Variants in OSBPL3 observed in about 807,000 individuals in gnomAD.
OSBPL3 encodes the protein oxysterol-binding protein-related protein 3.
Under a neutral mutation model 120.1 loss-of-function variants are expected in OSBPL3, and 65 were observed. The observed-to-expected ratio is 0.54, with a 90% confidence interval of 0.44 to 0.67. The LOEUF (loss-of-function observed/expected upper bound fraction) is 0.67, where lower values mean the gene tolerates loss of function less well. Among genes scored for constraint, OSBPL3 ranks in the 30% least tolerant of loss-of-function variants. The probability of loss-of-function intolerance (pLI) is 0.00; values close to 1 mark genes in which losing one functional copy is unlikely to be tolerated. For synonymous variants in OSBPL3, 416 were observed against 402.6 expected (o/e 1.03, Z -0.40); for missense variants, 1,004 against 1,082.1 (o/e 0.93, Z 1.01).
intron 13 of OSBPL3, 74 bp downstream of exon 13, chr7:24,842,205 A>G: frequency 6.9e-7 from 1 of 1,457,220 alleles, no homozygotes; most frequent in Non-Finnish European, 9.4e-7. Context: ...ATGATGGATT[A>G]TTTACTGAAC....
chr7:24,897,411 C>T (rs1278308320), intron 1 of OSBPL3, among the ~76,000 whole-genome samples: 4 of 149,634 alleles, frequency 2.7e-5, no homozygotes, highest in Admixed American at 1.3e-4. Flanking sequence ...CTGCAAGCTC[C>T]GCCTCCCGGG....
chr7:24,946,280 T>C lies in OSBPL3; in HGVS notation c.-150+33606A>G, dbSNP rs575272828. Among the ~76,000 whole-genome samples, 7 of 152,284 alleles carry C rather than the reference T, an allele frequency of 4.6e-5. No homozygotes were observed. In the East Asian group the frequency reaches 1.2e-3, roughly 25 times the overall value. On this transcript the variant is annotated intron_variant, in intron 1 of 22. Coordinates refer to ENST00000313367, the MANE Select transcript of OSBPL3 (RefSeq NM_015550.4). This position sits in a 1 kb window ranked among gnomAD's most constrained non-coding sequence, Gnocchi z 4.3. ...TGTCCCAAGAGAAGTAAGCAGAAATTGCACAGCCTTTTACAACCTAGACTA... is the reference window on the plus strand; with the variant it reads ...TGTCCCAAGAGAAGTAAGCAGAAATCGCACAGCCTTTTACAACCTAGACTA...
intron 2 of OSBPL3, among the ~76,000 whole-genome samples, chr7:24,887,608 T>C (rs1262065933): frequency 2.0e-5 from 3 of 152,216 alleles, no homozygotes; most frequent in Non-Finnish European, 4.4e-5. Context: ...TGAGACAACC[T>C]ACACTTGCCT....
rs769220571 is a variant in OSBPL3 at position 24,818,543 on chromosome 7, A to G, written c.1948+1632T>C. 1.3e-5 allele frequency among the ~76,000 whole-genome samples: 2 copies of G among 152,356 alleles called. No individual in the cohort carries two copies. Among genetic ancestry groups the G allele is most frequent in the South Asian group, 2.1e-4 (1 of 4,828 alleles). The stretch of plus-strand genomic sequence containing the variant: ...ATTAAAAATATATAACATAAATCCT[A>G]AAGTAACAACTTTAACAAGAAACAA... On this transcript the variant is annotated intron_variant, in intron 17 of 22. Transcript: ENST00000313367. This position sits in a 1 kb window ranked among gnomAD's most constrained non-coding sequence, Gnocchi z 4.0.
At position 24,892,401 on chromosome 7, in the gene OSBPL3, G is replaced by C. The variant is rs202020192; in HGVS notation, c.72C>G (p.Cys24Trp). Reference protein sequence around the residue: ...LVSPSRSTSSCSSKQGSRQDS... With the variant: ...LVSPSRSTSSWSSKQGSRQDS... ...CCTGTCGACTTCCTTGCTTGGAAGAGCAGCTACTTGTGCTCCTTGAAGGTG... is the reference window on the plus strand; with the variant it reads ...CCTGTCGACTTCCTTGCTTGGAAGACCAGCTACTTGTGCTCCTTGAAGGTG... Residue 24 changes from cysteine to tryptophan, a missense_variant, in exon 2 of 23, where the codon TGC becomes TGG. Cys to Trp is a radical substitution (Grantham distance 215, BLOSUM62 -2). This residue lies in a region of OSBPL3 where 255 missense variants were observed against 248.7 expected (regional missense o/e 1.03). Transcript: ENST00000313367. 1.2e-6 allele frequency: 2 copies of C among 1,613,336 alleles called. No homozygotes were observed. Among genetic ancestry groups the C allele is most frequent in the Non-Finnish European group, 8.5e-7 (1 of 1,179,492 alleles).
At chr7:24,889,058 C>T (rs1023478490) in intron 2 of OSBPL3, among the ~76,000 whole-genome samples, 1 of 152,048 alleles carries the variant, frequency 6.6e-6, no homozygotes, top group African/African-American at 2.4e-5. Flanking sequence ...CAAAAATATA[C>T]AAAGTTATAA....
rs560587459 is a variant in OSBPL3 at position 24,843,731 on chromosome 7, C to T, written c.1267-1318G>A. On this transcript the variant is annotated intron_variant, in intron 12 of 22. Coordinates refer to ENST00000313367, the MANE Select transcript of OSBPL3 (RefSeq NM_015550.4). ...CCATGTAGCCTTCTGAAAACCAAGCCTCTTCTCTACCCTAACAAAGAGATC... is the reference window on the plus strand; with the variant it reads ...CCATGTAGCCTTCTGAAAACCAAGCTTCTTCTCTACCCTAACAAAGAGATC... Among the ~76,000 whole-genome samples, 77 of 152,240 alleles carry T rather than the reference C, an allele frequency of 5.1e-4. 1 individual carries two copies. The highest frequency in any genetic ancestry group is 1.8e-3 in the African/African-American group (73 of 41,536).
At chr7:24,884,731 A>G (rs181343264) in intron 2 of OSBPL3, among the ~76,000 whole-genome samples, 148 of 152,322 alleles carry the variant, frequency 9.7e-4, no homozygotes, top group Middle Eastern at 6.8e-3. Flanking sequence ...AGGCAGAGAG[A>G]GGGTATTAAC....
At chr7:24,950,826 T>C (rs1814337169) in intron 1 of OSBPL3, among the ~76,000 whole-genome samples, 2 of 152,180 alleles carry the variant, frequency 1.3e-5, no homozygotes, top group Non-Finnish European at 1.5e-5. Context: ...TAGTGCAGAA[T>C]TAAAGTGGTT....
rs1198822117 is a variant in OSBPL3 at position 24,872,822 on chromosome 7, A to T, written c.97-753T>A. Among the ~76,000 whole-genome samples, 1 of 152,200 alleles carries T rather than the reference A, an allele frequency of 6.6e-6. No homozygotes were observed. Among genetic ancestry groups the T allele is most frequent in the African/African-American group, 2.4e-5 (1 of 41,458 alleles). ...TGAAAAAGAATTTTAAAAGAAATAGAAGAACACTAAAAGTTCTGAAAATTT... is the reference window on the plus strand; with the variant it reads ...TGAAAAAGAATTTTAAAAGAAATAGTAGAACACTAAAAGTTCTGAAAATTT... On this transcript the variant is annotated intron_variant, in intron 2 of 22. Coordinates refer to ENST00000313367, the MANE Select transcript of OSBPL3 (RefSeq NM_015550.4). The surrounding 1 kb of genome is among the most constrained non-coding windows in gnomAD (Gnocchi z 4.1).
At chr7:24,836,124 T>C (rs541598102) in intron 14 of OSBPL3, among the ~76,000 whole-genome samples, 5 of 152,166 alleles carry the variant, frequency 3.3e-5, no homozygotes, top group Non-Finnish European at 7.3e-5. Flanking sequence ...ATATCTTTAT[T>C]TTCTTAGGAT....
At chr7:24,857,829 C>T (rs1242444707) in intron 10 of OSBPL3, among the ~76,000 whole-genome samples, 1 of 152,098 alleles carries the variant, frequency 6.6e-6, no homozygotes, top group East Asian at 1.9e-4. Flanking sequence ...CTTCTCAGGG[C>T]CTTTACTATT....
Position 24,938,642 on chromosome 7 carries a change from G to GT in OSBPL3, c.-150+41243dup, listed in dbSNP as rs1554411298. ...AAGGGTATACCTCCCAGCTGAAGTT[G>GT]TTTGTTTGTTTGTTTGTTTGTTTTT... On this transcript the variant is annotated intron_variant, in intron 1 of 22. Coordinates refer to ENST00000313367, the MANE Select transcript of OSBPL3 (RefSeq NM_015550.4). The surrounding 1 kb of genome is among the most constrained non-coding windows in gnomAD (Gnocchi z 5.8). 1.7e-5 allele frequency among the ~76,000 whole-genome samples: 2 copies of GT among 114,900 alleles called. No homozygotes were observed. The highest frequency in any genetic ancestry group is 5.3e-5 in the African/African-American group (2 of 38,068). The allele number at this position is 114,900 out of a possible 152,430, so 75.4% of individuals were successfully genotyped here. A position where few individuals can be genotyped will look rare whatever the true frequency, so the allele number is the denominator to read the frequency against.
rs757156 is a variant in OSBPL3, at chr7:24,849,001, T to G, written c.1266+68A>C. 2.7e-6 allele frequency: 3 copies of G among 1,111,742 alleles called. No homozygotes were observed. In the South Asian group the frequency reaches 4.0e-5, roughly 15 times the overall value. The allele number at this position is 1,111,742 out of a possible 1,614,324, so 68.9% of individuals were successfully genotyped here. A position where few individuals can be genotyped will look rare whatever the true frequency, so the allele number is the denominator to read the frequency against. On this transcript the variant is annotated intron_variant, in intron 12 of 22. Transcript: ENST00000313367. The surrounding 1 kb of genome is among the most constrained non-coding windows in gnomAD (Gnocchi z 5.4). ...GAGGGGAAGCAGGGAGGTCGTGCAA[T>G]GGGACAGATGGTATCACGGGAGCGG...
At chr7:24,962,454 AGAG>A (rs1815895731) in intron 1 of OSBPL3, among the ~76,000 whole-genome samples, 1 of 136,868 alleles carries the variant, frequency 7.3e-6, no homozygotes, top group African/African-American at 2.8e-5. Context: ...AGAGGAGGAG[AGAG>A]GAGGAGAGAG....
chr7:24,916,918 A>ACCT lies in OSBPL3; in HGVS notation c.-149-24298_-149-24297insAGG, dbSNP rs1554404703. On this transcript the variant is annotated intron_variant, in intron 1 of 22. Transcript: ENST00000313367. This position sits in a 1 kb window ranked among gnomAD's most constrained non-coding sequence, Gnocchi z 4.9. ...AGCCACTAAGACGTCTTCCATTTCC[A>ACCT]CCCCCCCCAACCTTTTTAGAAAATT... Among the ~76,000 whole-genome samples, 2 of 145,594 alleles carry ACCT rather than the reference A, an allele frequency of 1.4e-5. No individual in the cohort carries two copies. The highest frequency in any genetic ancestry group is 3.0e-5 in the Non-Finnish European group (2 of 65,854).
At position 24,922,295 on chromosome 7, in the gene OSBPL3, A is replaced by G. The variant is rs1390005014; in HGVS notation, c.-149-29674T>C. Among the ~76,000 whole-genome samples, 1 of 152,176 alleles carries G rather than the reference A, an allele frequency of 6.6e-6. No individual in the cohort carries two copies. The highest frequency in any genetic ancestry group is 1.5e-5 in the Non-Finnish European group (1 of 68,022). On this transcript the variant is annotated intron_variant, in intron 1 of 22. Transcript: ENST00000313367. This position sits in a 1 kb window ranked among gnomAD's most constrained non-coding sequence, Gnocchi z 4.3. The stretch of plus-strand genomic sequence containing the variant: ...GGGCACAGTGAGGGGGACTGGGGAG[A>G]GCACAAACTTTCGTGTTAGAAAGGT...
At chr7:24,908,874 C>G (rs1808349514) in intron 1 of OSBPL3, among the ~76,000 whole-genome samples, 2 of 152,220 alleles carry the variant, frequency 1.3e-5, no homozygotes, top group Non-Finnish European at 2.9e-5. Flanking sequence ...AACAAGTTAG[C>G]AAATCTCTTG....
intron 12 of OSBPL3, among the ~76,000 whole-genome samples, chr7:24,848,242 A>G (rs1283563058): frequency 6.6e-6 from 1 of 152,200 alleles, no homozygotes; most frequent in East Asian, 1.9e-4. Context: ...ACTATGATTA[A>G]ACATTACAAA....
Sources: gnomAD v4.1 joint callset for allele counts (sites outside exome capture counted in the v4.1 genomes callset) on GRCh38, gnomAD v4.1.1 for gene constraint, gnomAD v4.1.1 regional missense constraint, Gnocchi (gnomAD v3.1) non-coding constraint, MANE v1.5 for transcripts, NCBI Gene and HGNC (gene_info 2026-07-23, HGNC 2026-07-21) for gene names.